Variants in ACAD9 observed in about 807,000 individuals in gnomAD.
ACAD9 encodes the protein acyl-CoA dehydrogenase family member 9, also known as complex I assembly factor ACAD9, mitochondrial.
Under a neutral mutation model 70.2 loss-of-function variants are expected in ACAD9, and 53 were observed. That is an observed-to-expected ratio of 0.75 (90% CI 0.61 to 0.95). ACAD9 has a LOEUF of 0.95. ACAD9 is among the 40% of genes least tolerant of loss of function. The pLI, the probability that ACAD9 is intolerant of heterozygous loss-of-function variation, is 0.00. For synonymous variants in ACAD9, 313 were observed against 312.1 expected, an observed-to-expected ratio of 1.00 and a Z score of -0.03; for missense variants, 777 against 802.8, an observed-to-expected ratio of 0.97 and a Z score of 0.39.
At chr3:128,891,941 C>T (rs907217659) in intron 2 of ACAD9, among the ~76,000 whole-genome samples, 1 of 152,166 alleles carries the variant, frequency 6.6e-6, no homozygotes, top group African/African-American at 2.4e-5. Context: ...CAGTTGTACA[C>T]CCATACAGTG....
chr3:128,904,436 C>G lies in ACAD9; in HGVS notation c.1080C>G (p.Thr360=), dbSNP rs1472466556. 1 of 1,614,232 alleles carries G rather than the reference C, an allele frequency of 6.2e-7. No individual in the cohort carries two copies. The highest frequency in any genetic ancestry group is 1.7e-5 in the Admixed American group (1 of 60,034). ...AGGCTTACGTCATGGAGAGTATGAC[C>G]TACCTCACAGCAGGGATGCTGGACC... ...AQKAYVMESM[T]YLTAGMLDQP... Residue 360 remains threonine, a synonymous_variant, in exon 11 of 18, where the codon ACC becomes ACG. Transcript: ENST00000308982.
chr3:128,896,456 T>C lies in ACAD9; in HGVS notation c.474T>C (p.Thr158=). 6.2e-7 allele frequency: 1 copy of C among 1,614,258 alleles called. No individual in the cohort carries two copies. The highest frequency in any genetic ancestry group is 8.5e-7 in the Non-Finnish European group (1 of 1,180,052). ...IGLKGIILAG[T]EEQKAKYLPK... is the part of the protein sequence containing the mutation. ...TTTAGGGGATCATCTTGGCTGGCACTGAGGAGCAGAAAGCCAAATACTTGC... is the reference window on the plus strand; with the variant it reads ...TTTAGGGGATCATCTTGGCTGGCACCGAGGAGCAGAAAGCCAAATACTTGC... Residue 158 remains threonine, a synonymous_variant, in exon 5 of 18, where the codon ACT becomes ACC. Transcript: ENST00000308982.
chr3:128,887,850 T>A (rs918425543), intron 2 of ACAD9, among the ~76,000 whole-genome samples: 5 of 152,086 alleles, frequency 3.3e-5, no homozygotes, highest in African/African-American at 1.2e-4. Flanking sequence ...CTATTTCATG[T>A]ACATTCAAAG....
chr3:128,883,111 CAG>C (rs1935141529), intron 1 of ACAD9, among the ~76,000 whole-genome samples: 1 of 145,628 alleles, frequency 6.9e-6, no homozygotes, highest in Non-Finnish European at 1.5e-5. Context: ...TTCCTTGAGA[CAG>C]TGTCTTACTC....
chr3:128,899,333 C>G lies in ACAD9; in HGVS notation c.680C>G (p.Ala227Gly). The stretch of plus-strand genomic sequence containing the variant: ...CTGGCCAATATTTTTACTGTGTTTG[C>G]AAAGACTGAGGTCGTTGATTCTGAT... ...GGLANIFTVF[A>G]KTEVVDSDGS... Residue 227 changes from alanine (A) to glycine (G), a missense_variant, in exon 7 of 18, where the codon GCA (alanine) becomes GGA (glycine). By Grantham distance (60) the Ala-to-Gly change is moderately conservative. Coordinates refer to ENST00000308982, the MANE Select transcript of ACAD9 (RefSeq NM_014049.5). The G allele has an allele frequency of 1.2e-6, 2 of 1,614,240 alleles. No individual in the cohort carries two copies. Among genetic ancestry groups the G allele is most frequent in the Non-Finnish European group, 1.7e-6 (2 of 1,180,048 alleles).
rs745374223 is a variant in ACAD9, at chr3:128,912,721, C to T, written c.*114C>T. 9.9e-7 allele frequency: 1 copy of T among 1,014,046 alleles called. No homozygotes were observed. Among genetic ancestry groups the T allele is most frequent in the Non-Finnish European group, 1.6e-6 (1 of 643,198 alleles). The allele number at this position is 1,014,046 out of a possible 1,614,324, so 62.8% of individuals were successfully genotyped here. On this transcript the variant is annotated 3_prime_UTR_variant, in exon 18 of 18. Transcript: ENST00000308982. ...ATTATCACAGGTTAAGCCTTTTGTT[C>T]CCCGTCTGCACCTGAAGGGTTGTCG...
At chr3:128,896,245 T>C (rs1239228483) in intron 4 of ACAD9, among the ~76,000 whole-genome samples, 191 bp from the exon 5 acceptor site, 1 of 152,252 alleles carries the variant, frequency 6.6e-6, no homozygotes, top group Non-Finnish European at 1.5e-5. Context: ...CTCACGGCAC[T>C]GGCATGTGCG....
Position 128,908,671 on chromosome 3 carries a change from A to G in ACAD9, c.1359-302A>G, listed in dbSNP as rs116630465. 3,682 of 541,672 alleles carry G rather than the reference A, an allele frequency of 6.8e-3. 107 individuals are homozygous for G. Among genetic ancestry groups the G allele is most frequent in the African/African-American group, 0.063 (3,295 of 52,654 alleles). 33.6% of individuals were successfully genotyped at this position (541,672 alleles called of 1,614,324 possible). A position where few individuals can be genotyped will look rare whatever the true frequency, so the allele number is the denominator to read the frequency against. On this transcript the variant is annotated intron_variant, in intron 13 of 17. Transcript: ENST00000308982. The stretch of plus-strand genomic sequence containing the variant: ...CCCACCCTAGGGGCACAGTAATCCA[A>G]AATCACTGCTGGAGGCCAAGTACAG...
chr3:128,884,713 T>G lies in ACAD9; in HGVS notation c.211T>G (p.Leu71Val), dbSNP rs777679870. 1.9e-6 allele frequency: 3 copies of G among 1,613,572 alleles called. No homozygotes were observed. Among genetic ancestry groups the G allele is most frequent in the Non-Finnish European group, 2.5e-6 (3 of 1,179,922 alleles). ...TGAACTTAATGAAATCAATCAGTTC[T>G]TGGGACCCGTGGAAAAATTCTTCAC... ...QDELNEINQF[L>V]GPVEKFFTEE... The change falls in exon 2 of 18, where the codon TTG becomes GTG. Residue 71 changes from leucine (L) to valine (V), a missense_variant. Physicochemically the swap from Leu to Val is conservative, Grantham distance 32. Transcript: ENST00000308982.
chr3:128,897,986 A>G (rs577140540), intron 6 of ACAD9, among the ~76,000 whole-genome samples: 2 of 151,976 alleles, frequency 1.3e-5, no homozygotes, highest in Admixed American at 1.3e-4. Context: ...CCTCCTGGGT[A>G]GCTGGGATTA....
At chr3:128,886,293 G>A (rs1292314560) in intron 2 of ACAD9, among the ~76,000 whole-genome samples, 4 of 151,606 alleles carry the variant, frequency 2.6e-5, no homozygotes, top group Non-Finnish European at 5.9e-5. Flanking sequence ...AGTAGAGATG[G>A]GGTTTCACTA....
rs543436241 is a variant in ACAD9, at chr3:128,902,820, G to A, written c.958+192G>A. Among the ~76,000 whole-genome samples, 4 of 152,258 alleles carry A rather than the reference G, an allele frequency of 2.6e-5. No homozygotes were observed. Among genetic ancestry groups the A allele is most frequent in the Non-Finnish European group, 4.4e-5 (3 of 68,016 alleles). ...CTGCCCCTGAGGTTTGTTGTCTTCC[G>A]CATTCCTCTGTTTCACCTCCACCCG... On this transcript the variant is annotated intron_variant, in intron 9 of 17. Coordinates refer to ENST00000308982, the MANE Select transcript of ACAD9 (RefSeq NM_014049.5). This position sits in a 1 kb window ranked among gnomAD's most constrained non-coding sequence, Gnocchi z 4.0.
At position 128,884,636 on chromosome 3, in the gene ACAD9, A is replaced by G. The variant is rs1284582101; in HGVS notation, c.151-17A>G. On this transcript the variant is annotated splice_polypyrimidine_tract_variant and intron_variant, in intron 1 of 17. Coordinates refer to ENST00000308982, the MANE Select transcript of ACAD9 (RefSeq NM_014049.5). The stretch of plus-strand genomic sequence containing the variant: ...TGCTAAAAATTAAATTTTTTAGAAA[A>G]TATTTACTATTTTTAGAAAGAAGTT... The G allele has an allele frequency of 1.9e-6, 3 of 1,578,878 alleles. No homozygotes were observed. The highest frequency in any genetic ancestry group is 3.3e-5 in the Admixed American group (2 of 59,800).
Position 128,884,689 on chromosome 3 carries a change from G to T in ACAD9, c.187G>T (p.Glu63Ter), listed in dbSNP as rs996004696. Reference sequence around the variant, plus strand: ...CCCATTTCCAGAAGTTAGCCAAGATGAACTTAATGAAATCAATCAGTTCTT... The same window carrying T: ...CCCATTTCCAGAAGTTAGCCAAGATTAACTTAATGAAATCAATCAGTTCTT... ...VFPFPEVSQD[E>*]LNEINQFLGP... Residue 63 changes from glutamate (E) to a stop codon, truncating the protein, a stop_gained, in exon 2 of 18, where the codon GAA (glutamate) becomes TAA (stop). Transcript: ENST00000308982. LOFTEE classifies it high-confidence loss of function. The T allele has an allele frequency of 1.2e-6, 2 of 1,612,822 alleles. No individual in the cohort carries two copies. Among genetic ancestry groups the T allele is most frequent in the Non-Finnish European group, 1.7e-6 (2 of 1,179,720 alleles).
rs1935820590 is a variant in ACAD9 at position 128,904,122 on chromosome 3, G to T, written c.1019G>T (p.Gly340Val). Residue 340 changes from glycine to valine, a missense_variant, in exon 10 of 18, where the codon GGA (glycine) becomes GTA (valine). Transcript: ENST00000308982. ...KQFNKRLSEF[G>V]LIQEKFALMA... Reference sequence around the variant, plus strand: ...TTTAACAAGAGGCTCAGTGAATTTGGATTGATTCAGGTACCAATGGTTGAG... The same window carrying T: ...TTTAACAAGAGGCTCAGTGAATTTGTATTGATTCAGGTACCAATGGTTGAG... The T allele has an allele frequency of 6.2e-7, 1 of 1,614,190 alleles. No individual in the cohort carries two copies. Among genetic ancestry groups the T allele is most frequent in the Non-Finnish European group, 8.5e-7 (1 of 1,180,016 alleles).
At chr3:128,879,990 G>A in intron 1 of ACAD9, 149 bp downstream of exon 1, 3 of 1,552,068 alleles carry the variant, frequency 1.9e-6, no homozygotes, top group Non-Finnish European at 2.6e-6. Context: ...GGATTCCTGA[G>A]TTCCAGGAAA....
chr3:128,902,496 C>G lies in ACAD9; in HGVS notation c.883-57C>G. On this transcript the variant is annotated intron_variant, in intron 8 of 17. Transcript: ENST00000308982. This position sits in a 1 kb window ranked among gnomAD's most constrained non-coding sequence, Gnocchi z 4.0. Reference sequence around the variant, plus strand: ...TGATCCACCTGGCCTGGTTTCGTTGCGGCCTCCTCCCTCTGCCTCCTTCAG... The same window carrying G: ...TGATCCACCTGGCCTGGTTTCGTTGGGGCCTCCTCCCTCTGCCTCCTTCAG... 6.3e-7 allele frequency: 1 copy of G among 1,587,130 alleles called. No homozygotes were observed. Among genetic ancestry groups the G allele is most frequent in the Non-Finnish European group, 8.7e-7 (1 of 1,155,586 alleles).
chr3:128,885,163 A>C (rs1280391827), intron 2 of ACAD9, among the ~76,000 whole-genome samples: 1 of 152,190 alleles, frequency 6.6e-6, no homozygotes, highest in East Asian at 1.9e-4. Context: ...TTGTAAACAA[A>C]GAGTGATTTG....
chr3:128,896,684 A>C, intron 5 of ACAD9, 148 bp downstream of exon 5: 3 of 792,112 alleles, frequency 3.8e-6, no homozygotes, highest in African/African-American at 1.7e-5. Context: ...TGTTCTTGCC[A>C]TTCCTCTTAT....
Sources: allele counts gnomAD v4.1 joint callset (sites outside exome capture counted in the v4.1 genomes callset), GRCh38; gene constraint gnomAD v4.1.1; non-coding constraint Gnocchi (gnomAD v3.1); transcripts MANE v1.5; gene names NCBI Gene and HGNC (gene_info 2026-07-23, HGNC 2026-07-21).